Variants in MAML3 observed in about 807,000 individuals in gnomAD.
MAML3 encodes the protein mastermind like transcriptional coactivator 3.
A neutral mutation model predicts 101.9 loss-of-function variants in MAML3; 27 were observed. That is an observed-to-expected ratio of 0.27 (90% CI 0.20 to 0.37). MAML3 has a LOEUF of 0.37. Ranked by LOEUF, MAML3 falls within the 10% of genes least tolerant of loss-of-function variation. MAML3 has a pLI of 1.00. For synonymous variants in MAML3, 501 were observed against 555.9 expected, an observed-to-expected ratio of 0.90 and a Z score of 1.39; for missense variants, 1,316 against 1,444.9, an observed-to-expected ratio of 0.91 and a Z score of 1.45.
intron 1 of MAML3, among the ~76,000 whole-genome samples, chr4:140,141,099 G>C (rs945578973): frequency 6.6e-6 from 1 of 152,138 alleles, no homozygotes; most frequent in African/African-American, 2.4e-5. Context: ...TAGTAGCCAA[G>C]AGCACAGATT....
intron 2 of MAML3, among the ~76,000 whole-genome samples, chr4:139,777,651 C>T (rs1366565224): frequency 6.6e-6 from 1 of 152,238 alleles, no homozygotes; most frequent in Non-Finnish European, 1.5e-5. Context: ...CTCAGCCACC[C>T]AAGTAACTGG....
At chr4:140,052,675 C>T (rs1727287964) in intron 1 of MAML3, among the ~76,000 whole-genome samples, 1 of 151,830 alleles carries the variant, frequency 6.6e-6, no homozygotes, top group Non-Finnish European at 1.5e-5. Flanking sequence ...GCTGGGATTA[C>T]AGGCATACAC....
intron 1 of MAML3, among the ~76,000 whole-genome samples, chr4:139,958,644 G>A (rs1733953847): frequency 6.6e-6 from 1 of 152,152 alleles, no homozygotes; most frequent in African/African-American, 2.4e-5. Context: ...CATGTCAAGA[G>A]AGTCACTTAT....
intron 1 of MAML3, among the ~76,000 whole-genome samples, chr4:139,939,827 C>T (rs910712617): frequency 2.7e-5 from 4 of 149,278 alleles, no homozygotes; most frequent in Non-Finnish European, 4.4e-5. Context: ...TGCAGTGGCG[C>T]GATCTCGGCT....
intron 1 of MAML3, among the ~76,000 whole-genome samples, chr4:140,024,985 C>A (rs1726796331): frequency 6.6e-6 from 1 of 152,208 alleles, no homozygotes; most frequent in South Asian, 2.1e-4. Context: ...CCCCATTACT[C>A]TTTCCTAAGA....
intron 2 of MAML3, among the ~76,000 whole-genome samples, chr4:139,792,156 A>T (rs1730425317): frequency 6.6e-6 from 1 of 152,256 alleles, no homozygotes; most frequent in African/African-American, 2.4e-5. Context: ...CAAGCATGCG[A>T]TTCAGCTCAT....
At chr4:139,724,206 G>C (rs1406778486) in intron 4 of MAML3, among the ~76,000 whole-genome samples, 1 of 152,214 alleles carries the variant, frequency 6.6e-6, no homozygotes, top group African/African-American at 2.4e-5. Flanking sequence ...GGGAGTGGTA[G>C]CTACTCAAGA....
intron 1 of MAML3, among the ~76,000 whole-genome samples, chr4:140,107,568 G>A (rs377510776): frequency 5.3e-5 from 8 of 150,264 alleles, no homozygotes; most frequent in Non-Finnish European, 1.0e-4. Flanking sequence ...GCAGTGGCGC[G>A]ATCTCGGCTC....
chr4:139,960,935 T>C (rs1014057219), intron 1 of MAML3, among the ~76,000 whole-genome samples: 1 of 152,198 alleles, frequency 6.6e-6, no homozygotes, highest in Admixed American at 6.5e-5. Flanking sequence ...CCCAGGTGAC[T>C]TGAGTTCAAA....
intron 1 of MAML3, among the ~76,000 whole-genome samples, chr4:139,894,916 T>C (rs1358087797): frequency 1.3e-5 from 2 of 152,260 alleles, no homozygotes. Context: ...TTAGGGCTTT[T>C]GGCACCTCCT....
chr4:139,981,215 G>A (rs1734437749), intron 1 of MAML3, among the ~76,000 whole-genome samples: 1 of 152,090 alleles, frequency 6.6e-6, no homozygotes, highest in African/African-American at 2.4e-5. Context: ...CTCTTCACAT[G>A]GCCATCTCTC....
intron 2 of MAML3, among the ~76,000 whole-genome samples, chr4:139,751,990 CCAG>C (rs1729519189): frequency 6.6e-6 from 1 of 152,148 alleles, no homozygotes; most frequent in Admixed American, 6.5e-5. Context: ...TGGTCTGAGC[CCAG>C]CAGCAGAAAT....
intron 1 of MAML3, among the ~76,000 whole-genome samples, chr4:140,152,633 C>T (rs920595343): frequency 6.6e-6 from 1 of 152,124 alleles, no homozygotes; most frequent in African/African-American, 2.4e-5. Context: ...CTGGCTTCTC[C>T]CCTCTCGCCC....
intron 2 of MAML3, among the ~76,000 whole-genome samples, chr4:139,752,249 G>A (rs1320244387): frequency 6.6e-6 from 1 of 152,194 alleles, no homozygotes; most frequent in African/African-American, 2.4e-5. Flanking sequence ...CAGAACTATG[G>A]TGTGCCATCA....
chr4:140,075,019 C>T (rs1173469117), intron 1 of MAML3, among the ~76,000 whole-genome samples: 1 of 152,154 alleles, frequency 6.6e-6, no homozygotes, highest in East Asian at 1.9e-4. Context: ...TAAAACACTT[C>T]TGGTCCCAAG....
At chr4:139,862,830 T>C (rs542077762) in intron 2 of MAML3, among the ~76,000 whole-genome samples, 18 of 152,314 alleles carry the variant, frequency 1.2e-4, no homozygotes, top group African/African-American at 3.8e-4. Context: ...GCTCGGAATA[T>C]GGAGCAGTAC....
At chr4:139,966,560 T>G (rs1734133698) in intron 1 of MAML3, among the ~76,000 whole-genome samples, 1 of 152,198 alleles carries the variant, frequency 6.6e-6, no homozygotes, top group Non-Finnish European at 1.5e-5. Context: ...GGCTTACCAC[T>G]CATGTAGATG....
chr4:139,981,762 T>C (rs1055334596), intron 1 of MAML3, among the ~76,000 whole-genome samples: 2 of 152,180 alleles, frequency 1.3e-5, no homozygotes, highest in African/African-American at 4.8e-5. Context: ...GGGCCAGCTA[T>C]TTGGAGACTG....
Position 139,719,404 on chromosome 4 carries a change from T to C in MAML3, c.3336A>G (p.Ala1112=), listed in dbSNP as rs1728130656. Residue 1112 remains alanine (A), a synonymous_variant, in exon 5 of 5, where the codon GCA becomes GCG. Coordinates refer to ENST00000509479, the MANE Select transcript of MAML3 (RefSeq NM_018717.5). ...CTTTGATGATGGAGTCCACAAGGTC[T>C]GCACCGTCCGGGAGGCCAGGGAAGG... ...GGSFPGLPDG[A]DLVDSIIKGG... is the part of the protein sequence containing the mutation. 6.2e-7 allele frequency: 1 copy of C among 1,614,034 alleles called. No homozygotes were observed. Among genetic ancestry groups the C allele is most frequent in the Non-Finnish European group, 8.5e-7 (1 of 1,179,890 alleles).
Sources: allele counts gnomAD v4.1 joint callset (sites outside exome capture counted in the v4.1 genomes callset), GRCh38; gene constraint gnomAD v4.1.1; transcripts MANE v1.5; gene names NCBI Gene and HGNC (gene_info 2026-07-23, HGNC 2026-07-21).